Variants in DENND4A observed in about 807,000 individuals in gnomAD.
The protein encoded by DENND4A is C-myc promoter-binding protein.
In DENND4A, 70 loss-of-function variants were observed where a neutral mutation model predicts 199.3. That is an observed-to-expected ratio of 0.35 (90% CI 0.29 to 0.43). DENND4A has a LOEUF of 0.43. Ranked by LOEUF, DENND4A falls within the 20% of genes least tolerant of loss-of-function variation. The probability of loss-of-function intolerance (pLI) is 1.00; values close to 1 mark genes in which losing one functional copy is unlikely to be tolerated. For synonymous variants in DENND4A, 686 were observed against 766.9 expected (o/e 0.89, Z 1.74); for missense variants, 1,723 against 2,255.8 (o/e 0.76, Z 4.78).
intron 12 of DENND4A, 70 bp from the exon 13 acceptor site, chr15:65,718,066 T>C (rs2075464646): frequency 1.7e-6 from 2 of 1,205,286 alleles, no homozygotes; most frequent in Non-Finnish European, 2.3e-6. Context: ...CAATATAATT[T>C]TGTTGTATTT....
At chr15:65,672,497 GGT>G (rs1200215803) in intron 24 of DENND4A, among the ~76,000 whole-genome samples, 1 of 151,972 alleles carries the variant, frequency 6.6e-6, no homozygotes, top group East Asian at 1.9e-4. Flanking sequence ...TGGACGTGGT[GGT>G]GTGTGCTTAT....
intron 9 of DENND4A, among the ~76,000 whole-genome samples, chr15:65,730,069 A>G (rs942027472): frequency 3.3e-5 from 5 of 152,188 alleles, no homozygotes; most frequent in Non-Finnish European, 5.9e-5. Flanking sequence ...AACATGGCCT[A>G]TCTTCCACTG....
intron 23 of DENND4A, among the ~76,000 whole-genome samples, chr15:65,682,722 T>C (rs1164256761): frequency 6.6e-6 from 1 of 152,228 alleles, no homozygotes; most frequent in Non-Finnish European, 1.5e-5. Flanking sequence ...CTTAATCATT[T>C]CTAGCTTTTG....
intron 4 of DENND4A, among the ~76,000 whole-genome samples, chr15:65,743,107 C>A (rs1040937312): frequency 2.0e-5 from 3 of 152,174 alleles, no homozygotes; most frequent in Admixed American, 6.5e-5. Flanking sequence ...AAACGGTCTT[C>A]CTCCTTCCAC....
chr15:65,686,431 A>G lies in DENND4A; in HGVS notation c.4179+3984T>C, dbSNP rs149826885. Among the ~76,000 whole-genome samples, 294 of 152,276 alleles carry G rather than the reference A, an allele frequency of 1.9e-3. 1 individual carries two copies. The Middle Eastern group carries it at 0.024, about 12-fold the overall frequency. On this transcript the variant is annotated intron_variant, in intron 23 of 32. Transcript: ENST00000443035. ...CCAATTTTTGTTACCTCTTCTATCA[A>G]CTGAGCGTTTTTAAATTTCCTACTC...
intron 7 of DENND4A, among the ~76,000 whole-genome samples, chr15:65,734,861 T>C (rs1051052135): frequency 6.6e-6 from 1 of 151,774 alleles, no homozygotes; most frequent in African/African-American, 2.4e-5. Flanking sequence ...GCGAGTGAAT[T>C]GATTGAGCCT....
chr15:65,757,838 C>T (rs2076748933), intron 2 of DENND4A, among the ~76,000 whole-genome samples: 1 of 152,032 alleles, frequency 6.6e-6, no homozygotes, highest in African/African-American at 2.4e-5. Context: ...CAAAATTAGC[C>T]AGGCGTGGTG....
chr15:65,780,441 G>T (rs2077408249), intron 1 of DENND4A, among the ~76,000 whole-genome samples: 1 of 152,120 alleles, frequency 6.6e-6, no homozygotes, highest in Admixed American at 6.5e-5. Context: ...TAATTAAGTG[G>T]TACAATTAAG....
Position 65,746,369 on chromosome 15 carries a change from C to CTTTTTTTTTTTTTTTTTTTTTTTTTTT in DENND4A, c.562-4612_562-4586dup, listed in dbSNP as rs573935476. On this transcript the variant is annotated intron_variant, in intron 4 of 32. Coordinates refer to ENST00000443035, the MANE Select transcript of DENND4A (RefSeq NM_001320835.1). Reference sequence around the variant, plus strand: ...CTTGTTAACAATTCTACTTTTTTCTCTTTTTTTTTTTTTTTTTTTTTTTTT... The same window carrying CTTTTTTTTTTTTTTTTTTTTTTTTTTT: ...CTTGTTAACAATTCTACTTTTTTCTCTTTTTTTTTTTTTTTTTTTTTTTTTTTTTTTTTTTTTTTTTTTTTTTTTTTT... Among the ~76,000 whole-genome samples, 6 of 51,268 alleles carry CTTTTTTTTTTTTTTTTTTTTTTTTTTT rather than the reference C, an allele frequency of 1.2e-4. 1 individual carries two copies. Among genetic ancestry groups the CTTTTTTTTTTTTTTTTTTTTTTTTTTT allele is most frequent in the Non-Finnish European group, 1.5e-4 (4 of 27,574 alleles). 33.6% of individuals were successfully genotyped at this position (51,268 alleles called of 152,430 possible).
At position 65,788,628 on chromosome 15, in the gene DENND4A, C is replaced by T. The variant is rs1333919940; in HGVS notation, c.-102+3382G>A. Reference sequence around the variant, plus strand: ...ATCACAGCACTTTGGGAGGCCAACGCGGGCAGACTACTTGGGCTCACGAGT... The same window carrying T: ...ATCACAGCACTTTGGGAGGCCAACGTGGGCAGACTACTTGGGCTCACGAGT... On this transcript the variant is annotated intron_variant, in intron 1 of 32. Transcript: ENST00000443035. Among the ~76,000 whole-genome samples the T allele has an allele frequency of 7.2e-5, 11 of 151,940 alleles. No homozygotes were observed. The East Asian group carries it at 1.5e-3, about 21-fold the overall frequency.
intron 23 of DENND4A, among the ~76,000 whole-genome samples, chr15:65,687,697 T>C (rs2076837651): frequency 6.6e-6 from 1 of 152,200 alleles, no homozygotes. Flanking sequence ...ACTAAATTCT[T>C]CCAAGGATTG....
chr15:65,763,047 T>C (rs2076892931), intron 1 of DENND4A, among the ~76,000 whole-genome samples: 1 of 152,110 alleles, frequency 6.6e-6, no homozygotes, highest in Non-Finnish European at 1.5e-5. Context: ...TATGAGTCAT[T>C]TTAAACACTA....
intron 1 of DENND4A, among the ~76,000 whole-genome samples, chr15:65,776,766 T>C (rs1184251226): frequency 1.3e-5 from 2 of 152,340 alleles, no homozygotes; most frequent in East Asian, 1.9e-4. Context: ...ATTTAAGAGT[T>C]AGAAGACATG....
intron 1 of DENND4A, among the ~76,000 whole-genome samples, chr15:65,765,414 T>A (rs1311359469): frequency 1.3e-5 from 2 of 152,382 alleles, no homozygotes; most frequent in East Asian, 3.9e-4. Flanking sequence ...TAAATTGTTA[T>A]TTTTAATTGA....
At chr15:65,663,190 A>T (rs1232016709) in intron 32 of DENND4A, among the ~76,000 whole-genome samples, 117 of 123,012 alleles carry the variant, frequency 9.5e-4, no homozygotes, top group African/African-American at 3.9e-3. Flanking sequence ...ATATATATAT[A>T]TATATATATT....
chr15:65,712,874 T>C (rs1298166123), intron 14 of DENND4A, among the ~76,000 whole-genome samples: 2 of 152,128 alleles, frequency 1.3e-5, no homozygotes, highest in East Asian at 3.8e-4. Flanking sequence ...GGCCATAACA[T>C]CATGGATACT....
At chr15:65,731,098 T>C (rs2075943753) in intron 9 of DENND4A, among the ~76,000 whole-genome samples, 1 of 152,022 alleles carries the variant, frequency 6.6e-6, no homozygotes, top group South Asian at 2.1e-4. Flanking sequence ...AGGTATCTCC[T>C]ATATAACTTA....
chr15:65,753,579 G>A (rs530901484), intron 3 of DENND4A, among the ~76,000 whole-genome samples: 9 of 152,174 alleles, frequency 5.9e-5, no homozygotes, highest in Admixed American at 5.2e-4. Context: ...GGCTGATCTC[G>A]AACTCCTGAC....
chr15:65,660,314 T>C lies in DENND4A; in HGVS notation c.*1537A>G, dbSNP rs1222996778. The C allele has an allele frequency of 2.0e-6, 3 of 1,535,074 alleles. No homozygotes were observed. Among genetic ancestry groups the C allele is most frequent in the East Asian group, 4.9e-5 (2 of 40,904 alleles). Reference sequence around the variant, plus strand: ...TGTGAAATGTTTCAGCATGGTGCTATTCACTAATGGTGTGAACTCAAAAGG... The same window carrying C: ...TGTGAAATGTTTCAGCATGGTGCTACTCACTAATGGTGTGAACTCAAAAGG... On this transcript the variant is annotated 3_prime_UTR_variant, in exon 33 of 33. Transcript: ENST00000443035.
Sources: gnomAD v4.1 joint callset for allele counts (sites outside exome capture counted in the v4.1 genomes callset) on GRCh38, gnomAD v4.1.1 for gene constraint, MANE v1.5 for transcripts, NCBI Gene and HGNC (gene_info 2026-07-23, HGNC 2026-07-21) for gene names.